The following VIT variants were observed in gnomAD, a reference collection of about 807,000 sequenced individuals.
VIT encodes the protein vitrin.
In VIT, 99 loss-of-function variants were observed where a neutral mutation model predicts 78.0. The observed-to-expected ratio is 1.27, with a 90% CI of 1.08 to 1.50. VIT has a LOEUF of 1.50. Among genes scored for constraint, VIT ranks in the 40% most tolerant of loss-of-function variants. VIT has a pLI of 0.00. For missense variants in VIT, 1,126 were observed against 875.3 expected (o/e 1.29, Z -3.61); for synonymous variants, 374 against 334.3 (o/e 1.12, Z -1.29).
At position 36,773,856 on chromosome 2, in the gene VIT, T is replaced by G; in HGVS notation, c.736+9T>G. ...GCCCAGAGCTGATCCAGGTAAGACC[T>G]TAAACTCCCTTTCCAGCCACTGATG... On this transcript the variant is annotated intron_variant, in intron 8 of 15. Coordinates refer to ENST00000379242, the MANE Select transcript of VIT (RefSeq NM_053276.4). 5 of 1,585,562 alleles carry G rather than the reference T, an allele frequency of 3.2e-6. No individual in the cohort carries two copies. The South Asian group carries it at 5.9e-5, about 19-fold the overall frequency.
intron 12 of VIT, among the ~76,000 whole-genome samples, chr2:36,789,181 G>A (rs986954298): frequency 4.6e-5 from 7 of 152,158 alleles, no homozygotes; most frequent in African/African-American, 7.2e-5. Context: ...AGTGGAAAGC[G>A]CAATGCACCG....
rs185453921 is a variant in VIT at position 36,710,396 on chromosome 2, G to A, written c.-18-5957G>A. ...AAAACGCCTCCTACTCTCTAGGCAT[G>A]AAGAATATATATATTTAAAGTATAG... On this transcript the variant is annotated intron_variant, in intron 1 of 15. Transcript: ENST00000379242. 9.4e-4 allele frequency among the ~76,000 whole-genome samples: 143 copies of A among 152,240 alleles called. 3 individuals are homozygous for A. In the South Asian group the frequency reaches 0.027, roughly 29 times the overall value.
intron 12 of VIT, among the ~76,000 whole-genome samples, chr2:36,800,205 C>T (rs375417742): frequency 6.6e-6 from 1 of 151,858 alleles, no homozygotes; most frequent in South Asian, 2.1e-4. Context: ...ATTAGCCAGG[C>T]GCGGTGGCAG....
At chr2:36,728,627 A>C (rs1335781486) in intron 2 of VIT, among the ~76,000 whole-genome samples, 1 of 37,346 alleles carries the variant, frequency 2.7e-5, no homozygotes, top group Middle Eastern at 0.017. Context: ...TCCCGGCTAA[A>C]ACGGTGAAAC....
At chr2:36,704,175 C>T (rs889081764) in intron 1 of VIT, among the ~76,000 whole-genome samples, 2 of 152,016 alleles carry the variant, frequency 1.3e-5, no homozygotes, top group Non-Finnish European at 2.9e-5. Flanking sequence ...ATCCACCCAC[C>T]TCGGCCTCCC....
At chr2:36,742,006 C>T (rs1667864171) in intron 3 of VIT, among the ~76,000 whole-genome samples, 1 of 152,186 alleles carries the variant, frequency 6.6e-6, no homozygotes, top group Non-Finnish European at 1.5e-5. Context: ...CCCATTTCTA[C>T]AAACCATCCC....
chr2:36,801,306 A>G lies in VIT; in HGVS notation c.1064A>G (p.Asn355Ser), dbSNP rs1222444659. The G allele has an allele frequency of 6.2e-7, 1 of 1,613,848 alleles. No individual in the cohort carries two copies. Among genetic ancestry groups the G allele is most frequent in the Non-Finnish European group, 8.5e-7 (1 of 1,179,856 alleles). ...TTCTTGTTCTGACTCTTCAGAGACA[A>G]CCCTGCTACTCACTTTAACCTCAAG... Reference protein sequence around the residue: ...PLMGVVQYGDNPATHFNLKTH... With the variant: ...PLMGVVQYGDSPATHFNLKTH... The change falls in exon 13 of 16, where the codon AAC becomes AGC. Residue 355 changes from asparagine to serine, a missense_variant. Asn to Ser is a conservative substitution (Grantham distance 46). Coordinates refer to ENST00000379242, the MANE Select transcript of VIT (RefSeq NM_053276.4).
At chr2:36,788,920 A>T (rs1665290523) in intron 12 of VIT, among the ~76,000 whole-genome samples, 1 of 152,200 alleles carries the variant, frequency 6.6e-6, no homozygotes, top group African/African-American at 2.4e-5. Context: ...CAAATGTTGC[A>T]GGGAAGGAAG....
intron 14 of VIT, among the ~76,000 whole-genome samples, chr2:36,807,802 G>T (rs1048606267): frequency 5.3e-5 from 8 of 152,220 alleles, no homozygotes; most frequent in Non-Finnish European, 1.0e-4. Context: ...AGGCAGAGTT[G>T]TCTGGTTCTG....
chr2:36,746,382 T>C (rs1029045560), intron 4 of VIT, among the ~76,000 whole-genome samples: 1 of 152,146 alleles, frequency 6.6e-6, no homozygotes, highest in African/African-American at 2.4e-5. Flanking sequence ...GTAGTATTGG[T>C]ACCAGCTCTT....
At chr2:36,810,165 C>T (rs540228502) in intron 15 of VIT, among the ~76,000 whole-genome samples, 1 of 152,210 alleles carries the variant, frequency 6.6e-6, no homozygotes, top group Admixed American at 6.5e-5. Flanking sequence ...GAGGCACACG[C>T]CTGTAATCCC....
chr2:36,793,973 G>C (rs1300206265), intron 12 of VIT, among the ~76,000 whole-genome samples: 1 of 152,186 alleles, frequency 6.6e-6, no homozygotes, highest in Non-Finnish European at 1.5e-5. Flanking sequence ...CTTTCAAGGA[G>C]AGGAATGGTA....
chr2:36,810,008 A>G (rs971075532), intron 15 of VIT, among the ~76,000 whole-genome samples: 3 of 148,906 alleles, frequency 2.0e-5, no homozygotes, highest in African/African-American at 2.5e-5. Flanking sequence ...AAAAAAAAAA[A>G]GGGCCAGGCA....
chr2:36,798,401 A>T (rs1666061830), intron 12 of VIT, among the ~76,000 whole-genome samples: 1 of 152,158 alleles, frequency 6.6e-6, no homozygotes, highest in Non-Finnish European at 1.5e-5. Flanking sequence ...GACCTGAGGG[A>T]TGGGGGCTGA....
chr2:36,787,991 A>G, intron 12 of VIT: 1 of 321,992 alleles, frequency 3.1e-6, no homozygotes, highest in Non-Finnish European at 6.1e-6. Flanking sequence ...CTTATTTCAG[A>G]TATGAATAGG....
intron 7 of VIT, among the ~76,000 whole-genome samples, chr2:36,768,820 T>C (rs775047474): frequency 2.3e-4 from 35 of 152,330 alleles, no homozygotes; most frequent in Non-Finnish European, 4.1e-4. Flanking sequence ...ACAGAATGCA[T>C]GTAGTACATA....
At chr2:36,795,635 G>C (rs185832433) in intron 12 of VIT, among the ~76,000 whole-genome samples, 2 of 151,896 alleles carry the variant, frequency 1.3e-5, no homozygotes, top group Non-Finnish European at 2.9e-5. Flanking sequence ...AGCTGGTCTC[G>C]AACTCCTGAC....
At chr2:36,731,510 T>C (rs1667207007) in intron 3 of VIT, among the ~76,000 whole-genome samples, 1 of 152,120 alleles carries the variant, frequency 6.6e-6, no homozygotes, top group Non-Finnish European at 1.5e-5. Flanking sequence ...CCTGACCTCA[T>C]GATCCACCTG....
chr2:36,716,399 C>T lies in VIT; in HGVS notation c.29C>T (p.Ala10Val). 1 of 1,613,982 alleles carries T rather than the reference C, an allele frequency of 6.2e-7. No individual in the cohort carries two copies. The change falls in exon 2 of 16, where the codon GCA becomes GTA. Residue 10 changes from alanine to valine, a missense_variant. By Grantham distance (64) the Ala-to-Val change is moderately conservative (BLOSUM62 0). Coordinates refer to ENST00000379242, the MANE Select transcript of VIT (RefSeq NM_053276.4). ...AGGACTGTTGTTCTCACTATGAAGGCATCTGTTATTGAAATGTTCCTTGGT... is the reference window on the plus strand; with the variant it reads ...AGGACTGTTGTTCTCACTATGAAGGTATCTGTTATTGAAATGTTCCTTGGT... MRTVVLTMK[A>V]SVIEMFLVLL...
Sources: allele counts gnomAD v4.1 joint callset (sites outside exome capture counted in the v4.1 genomes callset), GRCh38; gene constraint gnomAD v4.1.1; transcripts MANE v1.5; gene names NCBI Gene and HGNC (gene_info 2026-07-23, HGNC 2026-07-21).